NELFCD: variants seen among roughly 807,000 people sequenced by gnomAD.
NELFCD encodes negative elongation factor C/D.
NELFCD carries 48 observed loss-of-function variants against 72.9 expected under a neutral mutation model. That is an observed-to-expected ratio of 0.66 (90% CI 0.52 to 0.84). NELFCD has a LOEUF of 0.84. Ranked by LOEUF, NELFCD falls within the 40% of genes least tolerant of loss-of-function variation. The probability of loss-of-function intolerance (pLI) is 0.00; values close to 1 mark genes in which losing one functional copy is unlikely to be tolerated. For synonymous variants in NELFCD, 297 were observed against 280.6 expected, an observed-to-expected ratio of 1.06 and a Z score of -0.59; for missense variants, 538 against 723.8, an observed-to-expected ratio of 0.74 and a Z score of 2.94.
intron 1 of NELFCD, among the ~76,000 whole-genome samples, chr20:58,985,358 G>A (rs903900378): frequency 1.3e-5 from 2 of 152,206 alleles, no homozygotes; most frequent in African/African-American, 4.8e-5. Context: ...TAGGTTCCTT[G>A]GTTGATGAGC....
Position 58,993,618 on chromosome 20 carries a change from CT to C in NELFCD, c.1441-5del. 1 of 1,614,244 alleles carries C rather than the reference CT, an allele frequency of 6.2e-7. No individual in the cohort carries two copies. The highest frequency in any genetic ancestry group is 8.5e-7 in the Non-Finnish European group (1 of 1,180,036). Reference sequence around the variant, plus strand: ...TAACCAGCTCCCTGTCCCCCTTCTTCTGTAGCTTGAGTTGAAGAAGACACTG... The same window carrying C: ...TAACCAGCTCCCTGTCCCCCTTCTTCGTAGCTTGAGTTGAAGAAGACACTG... On this transcript the variant is annotated splice_region_variant and splice_polypyrimidine_tract_variant and intron_variant, in intron 12 of 14. Coordinates refer to ENST00000652272, the MANE Select transcript of NELFCD (RefSeq NM_198976.4). The surrounding 1 kb of genome is among the most constrained non-coding windows in gnomAD (Gnocchi z 5.0).
intron 1 of NELFCD, among the ~76,000 whole-genome samples, chr20:58,983,286 G>A (rs775140507): frequency 9.2e-5 from 14 of 151,452 alleles, no homozygotes; most frequent in African/African-American, 2.2e-4. Context: ...ACAGGCATCC[G>A]CCATCATGTC....
rs1378089010 is a variant in NELFCD, at chr20:58,988,982, A to G, written c.465A>G (p.Glu155=). The change falls in exon 5 of 15, where the codon GAA becomes GAG. Residue 155 remains glutamate (E), a synonymous_variant. Transcript: ENST00000652272. The part of the protein sequence containing the change: ...TWRDLFYKLA[E]AHPDCLMLNF... ...GGGACCTTTTTTATAAACTGGCTGA[A>G]GCCCATCCAGACTGTTTGATGCTGA... is the stretch of plus-strand genomic sequence containing the variant. 1.2e-6 allele frequency: 2 copies of G among 1,614,164 alleles called. No homozygotes were observed. Among genetic ancestry groups the G allele is most frequent in the Non-Finnish European group, 1.7e-6 (2 of 1,179,966 alleles).
chr20:58,985,326 C>T (rs2091764011), intron 1 of NELFCD, among the ~76,000 whole-genome samples: 1 of 152,152 alleles, frequency 6.6e-6, no homozygotes, highest in Non-Finnish European at 1.5e-5. Flanking sequence ...TGGAAAAAGC[C>T]TTGTCTTGTC....
At chr20:58,990,180 T>G (rs2091805433) in intron 7 of NELFCD, 192 bp downstream of exon 7, 1 of 649,010 alleles carries the variant, frequency 1.5e-6, no homozygotes, top group African/African-American at 1.8e-5. Context: ...ATGGATCACC[T>G]AAGGTCAGGA....
At chr20:58,987,209 T>C in intron 3 of NELFCD, 1 of 281,338 alleles carries the variant, frequency 3.6e-6, no homozygotes, top group Non-Finnish European at 6.6e-6. Flanking sequence ...GACGGATAAT[T>C]TAGGACTGGC....
At position 58,993,993 on chromosome 20, in the gene NELFCD, C is replaced by T. The variant is rs937330359; in HGVS notation, c.1582-117C>T. 30 of 1,289,146 alleles carry T rather than the reference C, an allele frequency of 2.3e-5. No homozygotes were observed. The African/African-American group carries it at 3.4e-4, about 14-fold the overall frequency. 79.9% of individuals were successfully genotyped at this position (1,289,146 alleles called of 1,614,324 possible). ...TCTGAATGTTGGAGATGGGTGGTGT[C>T]ACCGGCCGGTGGGGGTGGGGAGGGA... On this transcript the variant is annotated intron_variant, in intron 13 of 14. Coordinates refer to ENST00000652272, the MANE Select transcript of NELFCD (RefSeq NM_198976.4). This position sits in a 1 kb window ranked among gnomAD's most constrained non-coding sequence, Gnocchi z 5.0.
chr20:58,994,645 A>G lies in NELFCD; in HGVS notation c.1715A>G (p.His572Arg), dbSNP rs764759713. The change falls in exon 15 of 15, where the codon CAC (histidine) becomes CGC (arginine). Residue 572 changes from histidine (H) to arginine (R), a missense_variant. His to Arg is a conservative substitution (Grantham distance 29). Around this residue, in one of 3 missense-constraint regions of NELFCD, gnomAD observed 136 missense variants for 154.0 expected, o/e 0.88. Transcript: ENST00000652272. ...GTCACTGTTTTCCTCGTTAAAGCTC[A>G]CTGCAAATCTAACTTCATCATGGTG... is the stretch of plus-strand genomic sequence containing the variant. ...EHDPVTEFIA[H>R]CKSNFIMVN 2 of 1,608,900 alleles carry G rather than the reference A, an allele frequency of 1.2e-6. No homozygotes were observed. The highest frequency in any genetic ancestry group is 2.2e-5 in the South Asian group (2 of 90,908).
rs563831055 is a variant in NELFCD, at chr20:58,983,338, G to A, written c.60+1969G>A. Among the ~76,000 whole-genome samples the A allele has an allele frequency of 3.3e-5, 5 of 151,776 alleles. No homozygotes were observed. In the South Asian group the frequency reaches 8.3e-4, roughly 25 times the overall value. ...TTTAGTAGAGACAGTGTTTCACCACGTTGGCCAGGCTAGTCTTGAACTCCT... is the reference window on the plus strand; with the variant it reads ...TTTAGTAGAGACAGTGTTTCACCACATTGGCCAGGCTAGTCTTGAACTCCT... On this transcript the variant is annotated intron_variant, in intron 1 of 14. Coordinates refer to ENST00000652272, the MANE Select transcript of NELFCD (RefSeq NM_198976.4).
chr20:58,981,898 A>G (rs927333507), intron 1 of NELFCD, among the ~76,000 whole-genome samples: 9 of 152,306 alleles, frequency 5.9e-5, no homozygotes, highest in Admixed American at 5.2e-4. Flanking sequence ...TTTTTGGGCA[A>G]ACTGATGGAA....
chr20:58,994,315 G>A, intron 14 of NELFCD, 76 bp downstream of exon 14: 1 of 1,525,326 alleles, frequency 6.6e-7, no homozygotes. Context: ...TGTAATCCCA[G>A]CACTTTGGGA....
chr20:58,981,273 GC>G lies in NELFCD; in HGVS notation c.-36del, dbSNP rs777324702. On this transcript the variant is annotated 5_prime_UTR_variant, in exon 1 of 15. Coordinates refer to ENST00000652272, the MANE Select transcript of NELFCD (RefSeq NM_198976.4). ...CCTCGCGCATGCGCCGCGCTCGCTC[GC>G]GGGAGGGCATGGCGGGGGCCGTGCC... The G allele has an allele frequency of 1.0e-5, 11 of 1,056,730 alleles. No individual in the cohort carries two copies. Among genetic ancestry groups the G allele is most frequent in the Non-Finnish European group, 1.3e-5 (11 of 875,380 alleles). The allele number at this position is 1,056,730 out of a possible 1,614,324, so 65.5% of individuals were successfully genotyped here.
chr20:58,993,393 CTG>C lies in NELFCD; in HGVS notation c.1345-51_1345-50del. 2 of 1,542,532 alleles carry C rather than the reference CTG, an allele frequency of 1.3e-6. No homozygotes were observed. Among genetic ancestry groups the C allele is most frequent in the Non-Finnish European group, 1.8e-6 (2 of 1,122,186 alleles). Reference sequence around the variant, plus strand: ...GTGGCTGTGACAGTGCCCAGTTTCTCTGTGTGCTGAGCGTGACCACACTGCTC... The same window carrying C: ...GTGGCTGTGACAGTGCCCAGTTTCTCTGTGCTGAGCGTGACCACACTGCTC... On this transcript the variant is annotated intron_variant, in intron 11 of 14. Transcript: ENST00000652272. The surrounding 1 kb of genome is among the most constrained non-coding windows in gnomAD (Gnocchi z 5.0).
In NELFCD at chr20:58,991,350, A is replaced by G. The variant is rs2091815651; in HGVS notation, c.993A>G (p.Ser331=). The change falls in exon 9 of 15, where the codon TCA becomes TCG. Residue 331 remains serine, a synonymous_variant. Coordinates refer to ENST00000652272, the MANE Select transcript of NELFCD (RefSeq NM_198976.4). ...VPAFLDLFMQ[S]LFKPGARINQ... ...CCTTCCTGGACCTGTTCATGCAGTCACTCTTTAAACCAGGGGCTCGGATCA... is the reference window on the plus strand; with the variant it reads ...CCTTCCTGGACCTGTTCATGCAGTCGCTCTTTAAACCAGGGGCTCGGATCA... The G allele has an allele frequency of 1.2e-6, 2 of 1,614,048 alleles. No homozygotes were observed. Among genetic ancestry groups the G allele is most frequent in the South Asian group, 2.2e-5 (2 of 91,076 alleles).
intron 1 of NELFCD, among the ~76,000 whole-genome samples, chr20:58,983,050 A>G (rs958460747): frequency 6.6e-6 from 1 of 151,564 alleles, no homozygotes; most frequent in African/African-American, 2.4e-5. Flanking sequence ...ATTGCTGACT[A>G]CCAAAGTGGT....
At position 58,993,641 on chromosome 20, in the gene NELFCD, A is replaced by G. The variant is rs1212037147; in HGVS notation, c.1458A>G (p.Thr486=). Residue 486 remains threonine, a synonymous_variant, in exon 13 of 15, where the codon ACA becomes ACG. Coordinates refer to ENST00000652272, the MANE Select transcript of NELFCD (RefSeq NM_198976.4). This position sits in a 1 kb window ranked among gnomAD's most constrained non-coding sequence, Gnocchi z 5.0. ...DVMEQLELKK[T]LLDRMVHLLS... ...TTCTGTAGCTTGAGTTGAAGAAGACACTGCTGGACAGGATGGTTCACCTGC... is the reference window on the plus strand; with the variant it reads ...TTCTGTAGCTTGAGTTGAAGAAGACGCTGCTGGACAGGATGGTTCACCTGC... 1 of 1,614,232 alleles carries G rather than the reference A, an allele frequency of 6.2e-7. No homozygotes were observed. Among genetic ancestry groups the G allele is most frequent in the Non-Finnish European group, 8.5e-7 (1 of 1,180,044 alleles).
Position 58,989,607 on chromosome 20 carries a change from A to G in NELFCD, c.624A>G (p.Glu208=), listed in dbSNP as rs762794992. 1 of 1,614,182 alleles carries G rather than the reference A, an allele frequency of 6.2e-7. No homozygotes were observed. Among genetic ancestry groups the G allele is most frequent in the Non-Finnish European group, 8.5e-7 (1 of 1,180,036 alleles). Residue 208 remains glutamate (E), a synonymous_variant, in exon 6 of 15, where the codon GAA becomes GAG. Transcript: ENST00000652272. ...TAGCTACAATTTTAGATGGAGGAGA[A>G]GAAAACCTTGAAAAAAATCTCCCTG... The part of the protein sequence containing the change: ...TSLATILDGG[E]ENLEKNLPEF...
chr20:58,987,669 A>T, intron 3 of NELFCD, 39 bp from the exon 4 acceptor site: 1 of 1,534,808 alleles, frequency 6.5e-7, no homozygotes, highest in Non-Finnish European at 9.0e-7. Flanking sequence ...CAGTGAATGG[A>T]CAGCTTGCCA....
intron 5 of NELFCD, 23 bp from the exon 6 acceptor site, chr20:58,989,465 T>C (rs751142023): frequency 1.5e-5 from 24 of 1,611,354 alleles, no homozygotes; most frequent in Non-Finnish European, 2.0e-5. Flanking sequence ...GCCTCCCCTC[T>C]GACTTCTTGT....
Sources: gnomAD v4.1 joint callset for allele counts (sites outside exome capture counted in the v4.1 genomes callset) on GRCh38, gnomAD v4.1.1 for gene constraint, gnomAD v4.1.1 regional missense constraint, Gnocchi (gnomAD v3.1) non-coding constraint, MANE v1.5 for transcripts, NCBI Gene and HGNC (gene_info 2026-07-23, HGNC 2026-07-21) for gene names.